The following POF1B variants were observed in gnomAD, a reference collection of about 807,000 sequenced individuals.
POF1B encodes the protein POF1B actin binding protein.
In POF1B, 53 loss-of-function variants were observed where a neutral mutation model predicts 55.3. The ratio of observed to expected loss-of-function variants is 0.96; its 90% CI spans 0.77 to 1.20. The LOEUF is 1.20. Among genes scored for constraint, POF1B ranks in the 50% most tolerant of loss-of-function variants. The pLI is 0.00. For missense variants in POF1B, 478 were observed against 420.5 expected, an observed-to-expected ratio of 1.14 and a Z score of -1.20; for synonymous variants, 188 against 148.3, an observed-to-expected ratio of 1.27 and a Z score of -1.95.
In POF1B at chrX:85,349,952, C is replaced by T. The variant is rs1354713139; in HGVS notation, c.540+1398G>A. 6.3e-5 allele frequency among the ~76,000 whole-genome samples: 7 copies of T among 110,751 alleles called. No homozygotes were observed. In the East Asian group the frequency reaches 1.7e-3, roughly 27 times the overall value. On this transcript the variant is annotated intron_variant, in intron 5 of 16. Coordinates refer to ENST00000262753, the MANE Select transcript of POF1B (RefSeq NM_024921.4). ...ATGAACTGAGAAGAGCAATATGAAA[C>T]CTCTGTTGGTTATAGTAACAACTCT...
At chrX:85,304,494 A>G (rs1932528564) in intron 13 of POF1B, 23 bp from the exon 14 acceptor site, 1 of 960,176 alleles carries the variant, frequency 1.0e-6, no homozygotes, top group African/African-American at 2.0e-5. Context: ...AAAGAAATAA[A>G]TATTATTATA....
chrX:85,348,165 C>T (rs1023291408), intron 5 of POF1B, among the ~76,000 whole-genome samples: 30 of 111,200 alleles, frequency 2.7e-4, no homozygotes, highest in Non-Finnish European at 5.1e-4. Context: ...GCCTTGCAGT[C>T]TACCTGAGCC....
At chrX:85,331,334 T>C (rs1451847796) in intron 6 of POF1B, among the ~76,000 whole-genome samples, 2 of 111,643 alleles carry the variant, frequency 1.8e-5, no homozygotes, top group Non-Finnish European at 3.8e-5. Context: ...CATTCTTGAA[T>C]ATAGGCACTT....
At chrX:85,344,480 G>A (rs1933231451) in intron 6 of POF1B, among the ~76,000 whole-genome samples, 1 of 110,831 alleles carries the variant, frequency 9.0e-6, no homozygotes, top group Admixed American at 9.7e-5. Flanking sequence ...AAACACTTTG[G>A]TTTGTATTAT....
rs775028987 is a variant in POF1B at position 85,327,140 on chromosome X, T to G, written c.854+3809A>C. Among the ~76,000 whole-genome samples, 10 of 110,054 alleles carry G rather than the reference T, an allele frequency of 9.1e-5. No homozygotes were observed. In the South Asian group the frequency reaches 3.5e-3, roughly 39 times the overall value. ...TCTCTAAGCATCTCTCCCTGCCAAC[T>G]CACATGTTCATGGGAGTTGTGGAGT... On this transcript the variant is annotated intron_variant, in intron 7 of 16. Transcript: ENST00000262753.
chrX:85,375,533 G>A (rs1447066852), intron 2 of POF1B, among the ~76,000 whole-genome samples: 2 of 111,978 alleles, frequency 1.8e-5, no homozygotes, highest in Non-Finnish European at 3.8e-5. Flanking sequence ...AAGCACAAAA[G>A]AGGAGACCAA....
At chrX:85,365,144 G>T (rs759086037) in intron 3 of POF1B, among the ~76,000 whole-genome samples, 1 of 111,118 alleles carries the variant, frequency 9.0e-6, no homozygotes, top group East Asian at 2.9e-4. Flanking sequence ...TCCATGTATT[G>T]GTTTTTGTAT....
intron 7 of POF1B, among the ~76,000 whole-genome samples, chrX:85,319,999 GT>G (rs761418020): frequency 9.0e-6 from 1 of 110,681 alleles, no homozygotes; most frequent in East Asian, 2.9e-4. Context: ...CATCTATCTG[GT>G]TTTGGGCTTT....
At chrX:85,349,850 C>T (rs1397650435) in intron 5 of POF1B, among the ~76,000 whole-genome samples, 2 of 110,394 alleles carry the variant, frequency 1.8e-5, no homozygotes, top group African/African-American at 3.3e-5. Context: ...TTGCAGCAGC[C>T]CTAAGAAACT....
chrX:85,334,070 T>C (rs1933022648), intron 6 of POF1B, among the ~76,000 whole-genome samples: 1 of 111,171 alleles, frequency 9.0e-6, no homozygotes, highest in South Asian at 3.7e-4. Flanking sequence ...AGCAATATTT[T>C]CCATTACTAA....
At position 85,367,715 on chromosome X, in the gene POF1B, G is replaced by A. The variant is rs1933750607; in HGVS notation, c.334C>T (p.His112Tyr). The A allele has an allele frequency of 6.0e-6, 7 of 1,172,624 alleles. 1 individual carries two copies. The African/African-American group carries it at 7.2e-5, about 12-fold the overall frequency. The change falls in exon 3 of 17, where the codon CAT (histidine) becomes TAT (tyrosine). Residue 112 changes from histidine (H) to tyrosine (Y), a missense_variant. By Grantham distance (83) the His-to-Tyr change is moderately conservative. Coordinates refer to ENST00000262753, the MANE Select transcript of POF1B (RefSeq NM_024921.4). The stretch of plus-strand genomic sequence containing the variant: ...ACCTGTTCAGTATTTTGGGTTATAT[G>A]TAGAGTACTTGGGGCACATGTAGAT... ...KISTCAPSTL[H>Y]ITQNTEQELH...
intron 4 of POF1B, among the ~76,000 whole-genome samples, chrX:85,357,824 C>A (rs909295172): frequency 1.8e-5 from 2 of 111,439 alleles, no homozygotes; most frequent in East Asian, 2.8e-4. Flanking sequence ...ATTCCCACAT[C>A]TCTGTTAAAT....
Position 85,279,365 on chromosome X carries a change from G to C in POF1B, c.*56C>G, listed in dbSNP as rs1441669406. On this transcript the variant is annotated 3_prime_UTR_variant, in exon 17 of 17. Coordinates refer to ENST00000262753, the MANE Select transcript of POF1B (RefSeq NM_024921.4). ...AAAAATAACAAAGTACTAATGCAGA[G>C]ACACACACACAAAAAAAAAACGGCT... 4.6e-6 allele frequency: 5 copies of C among 1,085,200 alleles called. No individual in the cohort carries two copies. The highest frequency in any genetic ancestry group is 1.9e-5 in the African/African-American group (1 of 53,341). The allele number at this position is 1,085,200 out of a possible 1,213,427, so 89.4% of individuals were successfully genotyped here.
intron 4 of POF1B, among the ~76,000 whole-genome samples, chrX:85,352,304 T>C (rs889681628): frequency 1.1e-4 from 12 of 111,311 alleles, no homozygotes; most frequent in Middle Eastern, 4.6e-3. Context: ...AAAATTTGCA[T>C]TCATTTATTT....
intron 6 of POF1B, among the ~76,000 whole-genome samples, chrX:85,334,143 C>G: frequency 9.0e-6 from 1 of 110,980 alleles, no homozygotes; most frequent in Admixed American, 9.6e-5. Context: ...TTCGACATAG[C>G]TTTTAGAGTT....
At chrX:85,308,297 C>G in intron 9 of POF1B, 81 bp from the exon 10 acceptor site, 1 of 564,939 alleles carries the variant, frequency 1.8e-6, no homozygotes, top group Non-Finnish European at 2.7e-6. Flanking sequence ...TTTTTTCCTA[C>G]TAGCAAACTT....
At chrX:85,305,348 A>G (rs1288454480) in intron 13 of POF1B, among the ~76,000 whole-genome samples, 1 of 110,959 alleles carries the variant, frequency 9.0e-6, no homozygotes, top group Non-Finnish European at 1.9e-5. Context: ...AGGTACCTAA[A>G]ACTTAACACT....
At chrX:85,365,085 G>GT (rs1260273484) in intron 3 of POF1B, among the ~76,000 whole-genome samples, 1 of 111,203 alleles carries the variant, frequency 9.0e-6, no homozygotes, top group Non-Finnish European at 1.9e-5. Flanking sequence ...CTTCTAGTGT[G>GT]TTTTTTCAGC....
intron 6 of POF1B, among the ~76,000 whole-genome samples, chrX:85,337,249 G>A (rs1013117746): frequency 2.7e-5 from 3 of 111,434 alleles, no homozygotes; most frequent in Non-Finnish European, 5.7e-5. Flanking sequence ...AATTTTGACA[G>A]CACTGATTTC....
Sources: allele counts gnomAD v4.1 joint callset (sites outside exome capture counted in the v4.1 genomes callset), GRCh38; gene constraint gnomAD v4.1.1; transcripts MANE v1.5; gene names NCBI Gene and HGNC (gene_info 2026-07-23, HGNC 2026-07-21).